Variants in ELP2 observed in about 807,000 individuals in gnomAD.
ELP2 encodes elongator complex protein 2.
A neutral mutation model predicts 119.2 loss-of-function variants in ELP2; 90 were observed. The observed-to-expected ratio is 0.75, with a 90% CI of 0.64 to 0.90. The LOEUF (loss-of-function observed/expected upper bound fraction) is 0.90, where lower values mean the gene tolerates loss of function less well. ELP2 is among the 40% of genes least tolerant of loss of function. The probability of loss-of-function intolerance (pLI) is 0.00; values close to 1 mark genes in which losing one functional copy is unlikely to be tolerated. For synonymous variants in ELP2, 339 were observed against 331.0 expected (o/e 1.02, Z -0.26); for missense variants, 921 against 967.8 (o/e 0.95, Z 0.64).
At chr18:36,152,881 A>G (rs2090446843) in intron 11 of ELP2, among the ~76,000 whole-genome samples, 1 of 152,244 alleles carries the variant, frequency 6.6e-6, no homozygotes. Flanking sequence ...ATACCAGTCT[A>G]TAAGATGGAA....
chr18:36,156,780 G>A lies in ELP2; in HGVS notation c.1464+126G>A, dbSNP rs1306327214. ...AAAGTAATATTGTTTCTTAATGTAA[G>A]ATGTGACAAAGTTTTTGTGCACTGT... On this transcript the variant is annotated intron_variant, in intron 13 of 21. Transcript: ENST00000358232. 8.6e-6 allele frequency: 8 copies of A among 935,276 alleles called. No homozygotes were observed. In the African/African-American group the frequency reaches 1.3e-4, roughly 16 times the overall value. 57.9% of individuals were successfully genotyped at this position (935,276 alleles called of 1,614,324 possible).
chr18:36,130,872 A>T (rs1430475681), intron 1 of ELP2, among the ~76,000 whole-genome samples: 1 of 152,182 alleles, frequency 6.6e-6, no homozygotes, highest in African/African-American at 2.4e-5. Context: ...TAATTTGGTT[A>T]AAAATTTCAT....
chr18:36,172,592 G>A (rs995144125), intron 21 of ELP2, among the ~76,000 whole-genome samples: 2 of 152,208 alleles, frequency 1.3e-5, no homozygotes, highest in Non-Finnish European at 2.9e-5. Flanking sequence ...AGTTTGTGCT[G>A]TTGGCTTGCT....
intron 21 of ELP2, 33 bp from the exon 22 acceptor site, chr18:36,174,452 A>G: frequency 6.2e-7 from 1 of 1,606,300 alleles, no homozygotes. Context: ...TTAATTGGAA[A>G]AACATTTCAT....
chr18:36,138,846 G>A lies in ELP2; in HGVS notation c.497G>A (p.Cys166Tyr), dbSNP rs368719635. 214 of 1,613,756 alleles carry A rather than the reference G, an allele frequency of 1.3e-4. No homozygotes were observed. Among genetic ancestry groups the A allele is most frequent in the Non-Finnish European group, 1.8e-4 (208 of 1,179,914 alleles). ...NFGNGFALAL[C>Y]LSFLPNTDVP... ...GGAAATGGATTTGCTTTGGCTCTCT[G>A]CTTATCTTTTTTGCCAAATACTGAT... Residue 166 changes from cysteine to tyrosine, a missense_variant, in exon 5 of 22, where the codon TGC becomes TAC. Transcript: ENST00000358232.
chr18:36,133,412 AC>A, intron 2 of ELP2, 96 bp downstream of exon 2: 1 of 831,136 alleles, frequency 1.2e-6, no homozygotes, highest in Non-Finnish European at 2.1e-6. Context: ...ATTTAGCATT[AC>A]CTTATATGAT....
chr18:36,150,387 T>G (rs2090357544), intron 11 of ELP2, among the ~76,000 whole-genome samples: 1 of 152,178 alleles, frequency 6.6e-6, no homozygotes, highest in Admixed American at 6.5e-5. Context: ...TATAAAGCAT[T>G]TCCGTTTTAT....
intron 1 of ELP2, among the ~76,000 whole-genome samples, chr18:36,132,061 C>T (rs2089654577): frequency 6.6e-6 from 1 of 151,502 alleles, no homozygotes; most frequent in East Asian, 1.9e-4. Flanking sequence ...CAGGTGTGCA[C>T]CCCCACACCT....
chr18:36,164,011 A>G (rs1481376211), intron 17 of ELP2, among the ~76,000 whole-genome samples: 1 of 152,204 alleles, frequency 6.6e-6, no homozygotes, highest in Non-Finnish European at 1.5e-5. Context: ...GAATTTTAAC[A>G]ATATTGAGTA....
At chr18:36,130,538 G>A (rs1355618402) in intron 1 of ELP2, among the ~76,000 whole-genome samples, 4 of 152,132 alleles carry the variant, frequency 2.6e-5, no homozygotes, top group African/African-American at 9.7e-5. Flanking sequence ...TTTTAGCTAC[G>A]GGAATGGACA....
Position 36,164,542 on chromosome 18 carries a change from T to C in ELP2, c.1829T>C (p.Leu610Ser), listed in dbSNP as rs765383960. Residue 610 changes from leucine to serine, a missense_variant, in exon 18 of 22, where the codon TTA becomes TCA. By Grantham distance (145) the Leu-to-Ser change is moderately radical. Coordinates refer to ENST00000358232, the MANE Select transcript of ELP2 (RefSeq NM_018255.4). The stretch of plus-strand genomic sequence containing the variant: ...ACATCTTGGAAACAGGTGCAGAATT[T>C]AGTTTTCCACAGTTTGACAGTCACG... The part of the protein sequence containing the change: ...NTTSWKQVQN[L>S]VFHSLTVTQM... The C allele has an allele frequency of 4.3e-6, 7 of 1,614,008 alleles. No individual in the cohort carries two copies. In the Admixed American group the frequency reaches 1.0e-4, roughly 23 times the overall value.
chr18:36,170,157 C>T lies in ELP2; in HGVS notation c.2171C>T (p.Thr724Ile). 6.2e-7 allele frequency: 1 copy of T among 1,614,136 alleles called. No homozygotes were observed. The highest frequency in any genetic ancestry group is 1.1e-5 in the South Asian group (1 of 91,078). ...SSVLDVGGAV[T>I]AVSVCPVLHP... ...GTCCTGGACGTGGGTGGGGCTGTGA[C>T]AGCTGTCAGCGTCTGCCCAGTGCTC... The change falls in exon 20 of 22, where the codon ACA becomes ATA. Residue 724 changes from threonine (T) to isoleucine (I), a missense_variant. Physicochemically the swap from Thr to Ile is moderately conservative, Grantham distance 89. Coordinates refer to ENST00000358232, the MANE Select transcript of ELP2 (RefSeq NM_018255.4).
chr18:36,154,886 T>G lies in ELP2; in HGVS notation c.1162T>G (p.Phe388Val), dbSNP rs1452114217. 6.2e-7 allele frequency: 1 copy of G among 1,613,846 alleles called. No homozygotes were observed. Among genetic ancestry groups the G allele is most frequent in the Admixed American group, 1.7e-5 (1 of 60,020 alleles). ...TCCAGAGATTGTCATTTCAGGACAC[T>G]TTGATGGTGTCCAAGACCTAGTCTG... Reference protein sequence around the residue: ...WTPEIVISGHFDGVQDLVWDP... With the variant: ...WTPEIVISGHVDGVQDLVWDP... Residue 388 changes from phenylalanine (F) to valine (V), a missense_variant, in exon 12 of 22, where the codon TTT becomes GTT. Physicochemically the swap from Phe to Val is conservative, Grantham distance 50. Transcript: ENST00000358232.
At position 36,159,801 on chromosome 18, in the gene ELP2, A is replaced by G. The variant is rs1452350224; in HGVS notation, c.1601A>G (p.Gln534Arg). Residue 534 changes from glutamine (Q) to arginine (R), a missense_variant, in exon 15 of 22, where the codon CAG (glutamine) becomes CGG (arginine). Transcript: ENST00000358232. ...ACTAGTACTGGTTTTGAGTATCAGCAGGTGGCCTTTCAGCCCTCCATACTT... is the reference window on the plus strand; with the variant it reads ...ACTAGTACTGGTTTTGAGTATCAGCGGGTGGCCTTTCAGCCCTCCATACTT... Reference protein sequence around the residue: ...LLTSTGFEYQQVAFQPSILTE... With the variant: ...LLTSTGFEYQRVAFQPSILTE... 8.7e-6 allele frequency: 14 copies of G among 1,614,058 alleles called. No individual in the cohort carries two copies. The highest frequency in any genetic ancestry group is 1.2e-5 in the Non-Finnish European group (14 of 1,179,930).
At position 36,146,333 on chromosome 18, in the gene ELP2, T is replaced by C. The variant is rs1330030579; in HGVS notation, c.1077T>C (p.His359=). The change falls in exon 11 of 22, where the codon CAT becomes CAC. Residue 359 remains histidine, a synonymous_variant. Coordinates refer to ENST00000358232, the MANE Select transcript of ELP2 (RefSeq NM_018255.4). ...AAGATGGCTCCATGATCATTGCTCA[T>C]GCTTTCCACGGAGCGTTGCACCTTT... ...FNEDGSMIIA[H]AFHGALHLWK... is the part of the protein sequence containing the mutation. The C allele has an allele frequency of 6.2e-7, 1 of 1,614,032 alleles. No individual in the cohort carries two copies. The highest frequency in any genetic ancestry group is 1.3e-5 in the African/African-American group (1 of 74,948).
At chr18:36,130,258 C>T (rs2089557117) in intron 1 of ELP2, among the ~76,000 whole-genome samples, 187 bp downstream of exon 1, 1 of 152,174 alleles carries the variant, frequency 6.6e-6, no homozygotes, top group African/African-American at 2.4e-5. Flanking sequence ...CACCCTTTGC[C>T]GTCTCACGCG....
chr18:36,131,740 C>A (rs1303177661), intron 1 of ELP2, among the ~76,000 whole-genome samples: 1 of 152,172 alleles, frequency 6.6e-6, no homozygotes, highest in African/African-American at 2.4e-5. Flanking sequence ...ATGTACTTAA[C>A]ACACTGAAAT....
At chr18:36,169,754 G>C (rs1446736931) in intron 19 of ELP2, among the ~76,000 whole-genome samples, 3 of 151,840 alleles carry the variant, frequency 2.0e-5, no homozygotes, top group African/African-American at 7.3e-5. Flanking sequence ...CCTACTGATG[G>C]GACTCCACTG....
chr18:36,140,745 A>C (rs910700304), intron 5 of ELP2, among the ~76,000 whole-genome samples: 16 of 152,248 alleles, frequency 1.1e-4, no homozygotes, highest in African/African-American at 3.4e-4. Flanking sequence ...ATCTGTGTGC[A>C]TTAGCCATGT....
Sources: allele counts gnomAD v4.1 joint callset (sites outside exome capture counted in the v4.1 genomes callset), GRCh38; gene constraint gnomAD v4.1.1; transcripts MANE v1.5; gene names NCBI Gene and HGNC (gene_info 2026-07-23, HGNC 2026-07-21).